Variants in SFMBT2 observed in about 807,000 individuals in gnomAD.
SFMBT2 encodes the protein scm-like with four MBT domains protein 2.
In SFMBT2, 38 loss-of-function variants were observed where a neutral mutation model predicts 110.1. The observed-to-expected ratio is 0.35, with a 90% CI of 0.27 to 0.45. The LOEUF is 0.45. Ranked by LOEUF, SFMBT2 falls within the 20% of genes least tolerant of loss-of-function variation. The pLI is 1.00. For missense variants in SFMBT2, 1,011 were observed against 1,094.9 expected (o/e 0.92, Z 1.08); for synonymous variants, 425 against 425.4 (o/e 1.00, Z 0.01).
Position 7,180,173 on chromosome 10 carries a change from A to G in SFMBT2, c.1809-4008T>C, listed in dbSNP as rs544237825. ...GGTCTCACTTAGTCATCCAGGCCAG[A>G]GTGCAATGGTGCAAGAGCTCAGCTC... On this transcript the variant is annotated intron_variant, in intron 16 of 20. Transcript: ENST00000397167. Among the ~76,000 whole-genome samples, 10 of 151,458 alleles carry G rather than the reference A, an allele frequency of 6.6e-5. No individual in the cohort carries two copies. The South Asian group carries it at 2.1e-3, about 32-fold the overall frequency.
intron 4 of SFMBT2, among the ~76,000 whole-genome samples, chr10:7,364,513 A>G (rs1231392821): frequency 6.6e-6 from 1 of 152,274 alleles, no homozygotes; most frequent in Non-Finnish European, 1.5e-5. Flanking sequence ...AAGCAACAGC[A>G]TACATTTTTA....
At chr10:7,282,198 T>C (rs988633863) in intron 6 of SFMBT2, among the ~76,000 whole-genome samples, 1 of 152,142 alleles carries the variant, frequency 6.6e-6, no homozygotes, top group Non-Finnish European at 1.5e-5. Flanking sequence ...AATTTATTCA[T>C]ATATTATAAA....
chr10:7,218,110 C>T (rs1182407213), intron 11 of SFMBT2, among the ~76,000 whole-genome samples: 1 of 152,078 alleles, frequency 6.6e-6, no homozygotes, highest in African/African-American at 2.4e-5. Flanking sequence ...CAATTTAATG[C>T]ACGAAAATAA....
intron 20 of SFMBT2, among the ~76,000 whole-genome samples, chr10:7,169,799 C>A (rs567839721): frequency 2.6e-5 from 4 of 152,192 alleles, no homozygotes; most frequent in African/African-American, 9.6e-5. Context: ...TAAAAACCCT[C>A]TCTTCTTCCT....
chr10:7,389,600 G>C (rs180713351), intron 1 of SFMBT2, among the ~76,000 whole-genome samples: 1 of 152,172 alleles, frequency 6.6e-6, no homozygotes, highest in African/African-American at 2.4e-5. Context: ...CAGAATTCTA[G>C]TACTGGAACT....
intron 4 of SFMBT2, among the ~76,000 whole-genome samples, chr10:7,323,976 C>A (rs186710783): frequency 2.0e-4 from 30 of 152,228 alleles, no homozygotes; most frequent in African/African-American, 7.0e-4. Flanking sequence ...TTCTATATGG[C>A]TATTTAAAAT....
intron 9 of SFMBT2, among the ~76,000 whole-genome samples, chr10:7,238,002 C>CG (rs1252169732): frequency 6.6e-6 from 1 of 152,052 alleles, no homozygotes; most frequent in African/African-American, 2.4e-5. Flanking sequence ...AGTGGGGAGT[C>CG]GGGAGATGAC....
intron 10 of SFMBT2, among the ~76,000 whole-genome samples, chr10:7,225,936 C>T (rs935489412): frequency 1.2e-4 from 19 of 152,254 alleles, no homozygotes; most frequent in Admixed American, 8.5e-4. Flanking sequence ...GACATCAATA[C>T]GGTGAGAAGT....
chr10:7,310,564 G>A (rs1468262425), intron 4 of SFMBT2, among the ~76,000 whole-genome samples: 6 of 152,202 alleles, frequency 3.9e-5, no homozygotes, highest in Non-Finnish European at 5.9e-5. Flanking sequence ...GATGAAAGGG[G>A]TGGGTAACTC....
Position 7,408,279 on chromosome 10 carries a change from C to T in SFMBT2, c.-52+2582G>A, listed in dbSNP as rs1846274731. ...TGGAGGAGCCACGGACGCGTCCTGG[C>T]CGGCGTGTCGCCATCGTTCAGCCTC... is the stretch of plus-strand genomic sequence containing the variant. On this transcript the variant is annotated intron_variant, in intron 1 of 20. Coordinates refer to ENST00000397167, the MANE Select transcript of SFMBT2 (RefSeq NM_001387889.1). This position sits in a 1 kb window ranked among gnomAD's most constrained non-coding sequence, Gnocchi z 5.7. 6.6e-6 allele frequency among the ~76,000 whole-genome samples: 1 copy of T among 152,198 alleles called. No homozygotes were observed. Among genetic ancestry groups the T allele is most frequent in the Non-Finnish European group, 1.5e-5 (1 of 68,032 alleles).
At chr10:7,401,638 CACAGGG>C (rs1846085871) in intron 1 of SFMBT2, among the ~76,000 whole-genome samples, 1 of 152,162 alleles carries the variant, frequency 6.6e-6, no homozygotes, top group Non-Finnish European at 1.5e-5. Flanking sequence ...TTCAGACATC[CACAGGG>C]TGATGGGCTC....
chr10:7,209,544 A>G (rs1164427635), intron 11 of SFMBT2, among the ~76,000 whole-genome samples: 1 of 152,266 alleles, frequency 6.6e-6, no homozygotes, highest in Non-Finnish European at 1.5e-5. Flanking sequence ...CAGCTATAAA[A>G]AAGAATCAGA....
intron 4 of SFMBT2, among the ~76,000 whole-genome samples, chr10:7,354,087 C>CA (rs35454902): frequency 0.06 from 7,449 of 123,234 alleles, 403 homozygotes; most frequent in African/African-American, 0.16. Flanking sequence ...ACTCCCTCTC[C>CA]AAAAAAAAAA....
At chr10:7,324,961 C>CTTTTTTTTTTT (rs869253757) in intron 4 of SFMBT2, among the ~76,000 whole-genome samples, 1 of 92,140 alleles carries the variant, frequency 1.1e-5, no homozygotes, top group Non-Finnish European at 2.0e-5. Flanking sequence ...AGAGGCCCCA[C>CTTTTTTTTTTT]TTTTTTTTTT....
At chr10:7,246,790 G>C (rs1440766066) in intron 8 of SFMBT2, among the ~76,000 whole-genome samples, 1 of 87,986 alleles carries the variant, frequency 1.1e-5, no homozygotes, top group African/African-American at 3.3e-5. Context: ...CAAGTCTGTT[G>C]AGTTTAATTG....
chr10:7,193,649 G>A (rs560658858), intron 15 of SFMBT2, among the ~76,000 whole-genome samples: 3 of 152,128 alleles, frequency 2.0e-5, no homozygotes, highest in Admixed American at 6.6e-5. Flanking sequence ...TAGATGTTCC[G>A]CTCCCCGTTG....
intron 9 of SFMBT2, among the ~76,000 whole-genome samples, chr10:7,228,724 TTTCTTTCTTTCC>T (rs1279596098): frequency 9.3e-5 from 10 of 107,236 alleles, no homozygotes; most frequent in Non-Finnish European, 1.7e-4. Flanking sequence ...TCTTTCTTTC[TTTCTTTCTTTCC>T]TTTCTCTCTC....
chr10:7,197,403 C>T, intron 15 of SFMBT2, 145 bp downstream of exon 15: 2 of 1,125,530 alleles, frequency 1.8e-6, no homozygotes, highest in African/African-American at 1.6e-5. Flanking sequence ...TCTCTGGCTT[C>T]AGCCCACAGG....
chr10:7,317,064 C>G (rs942611441), intron 4 of SFMBT2, among the ~76,000 whole-genome samples: 2 of 152,290 alleles, frequency 1.3e-5, no homozygotes, highest in Non-Finnish European at 2.9e-5. Context: ...TCGTGTCCCC[C>G]TCATCAGTTG....
Sources: gnomAD v4.1 joint callset for allele counts (sites outside exome capture counted in the v4.1 genomes callset) on GRCh38, gnomAD v4.1.1 for gene constraint, Gnocchi (gnomAD v3.1) non-coding constraint, MANE v1.5 for transcripts, NCBI Gene and HGNC (gene_info 2026-07-23, HGNC 2026-07-21) for gene names.